The following CACNA2D2 variants were observed in gnomAD, a reference collection of about 807,000 sequenced individuals.
CACNA2D2 encodes the protein calcium voltage-gated channel auxiliary subunit alpha2delta 2, also known as voltage-dependent calcium channel subunit alpha-2/delta-2.
A neutral mutation model predicts 166.4 loss-of-function variants in CACNA2D2; 48 were observed. That is an observed-to-expected ratio of 0.29 (90% CI 0.23 to 0.37). CACNA2D2 has a LOEUF of 0.37. CACNA2D2 is among the 10% of genes least tolerant of loss of function. CACNA2D2 has a pLI of 1.00. For missense variants in CACNA2D2, 1,122 were observed against 1,433.0 expected, an observed-to-expected ratio of 0.78 and a Z score of 3.50; for synonymous variants, 561 against 573.7, an observed-to-expected ratio of 0.98 and a Z score of 0.32.
At chr3:50,482,675 G>A (rs1262031219) in intron 1 of CACNA2D2, among the ~76,000 whole-genome samples, 1 of 152,196 alleles carries the variant, frequency 6.6e-6, no homozygotes, top group African/African-American at 2.4e-5. Context: ...ACATGGGATG[G>A]TTGTGCCTCC....
At position 50,487,031 on chromosome 3, in the gene CACNA2D2, C is replaced by T. The variant is rs149263500; in HGVS notation, c.207-10832G>A. On this transcript the variant is annotated intron_variant, in intron 1 of 37. Coordinates refer to ENST00000424201, the MANE Select transcript of CACNA2D2 (RefSeq NM_006030.4). ...GATTTCCACTGCAGCGATGGTACCT[C>T]GGCCAGGCGCAGGCCAGTTCATGCC... 1.8e-4 allele frequency among the ~76,000 whole-genome samples: 28 copies of T among 152,340 alleles called. No homozygotes were observed. The East Asian group carries it at 4.4e-3, about 24-fold the overall frequency.
intron 2 of CACNA2D2, among the ~76,000 whole-genome samples, chr3:50,460,538 G>C (rs1709543975): frequency 6.6e-6 from 1 of 152,096 alleles, no homozygotes. Context: ...TGGCAAGAAT[G>C]AAACAAGAAC....
At chr3:50,445,604 A>G (rs1377596133) in intron 2 of CACNA2D2, among the ~76,000 whole-genome samples, 1 of 152,166 alleles carries the variant, frequency 6.6e-6, no homozygotes, top group East Asian at 1.9e-4. Flanking sequence ...AAATAAACAA[A>G]CAGGACCAAG....
chr3:50,494,969 C>A (rs1227961211), intron 1 of CACNA2D2, among the ~76,000 whole-genome samples: 4 of 152,216 alleles, frequency 2.6e-5, no homozygotes, highest in African/African-American at 9.6e-5. Flanking sequence ...AGCCACTGCA[C>A]CCGGCTGGAT....
At chr3:50,372,050 T>C (rs1352405142) in intron 22 of CACNA2D2, among the ~76,000 whole-genome samples, 1 of 151,932 alleles carries the variant, frequency 6.6e-6, no homozygotes, top group Non-Finnish European at 1.5e-5. Context: ...GGACATCCTC[T>C]TGTGGCTCTC....
rs587712316 is a variant in CACNA2D2, at chr3:50,385,950, TCTTC to T, written c.510+1614_511-1614del. 3.2e-4 allele frequency among the ~76,000 whole-genome samples: 49 copies of T among 152,338 alleles called. No homozygotes were observed. In the South Asian group the frequency reaches 0.01, roughly 32 times the overall value. ...CTGATAAGCTATCAGCTGGCGAACT[TCTTC>T]CTTCCTTTTCTTTCCCCCACCCCCA... is the stretch of plus-strand genomic sequence containing the variant. On this transcript the variant is annotated intron_variant, in intron 5 of 37. Transcript: ENST00000424201.
chr3:50,410,697 G>A (rs1706968139), intron 3 of CACNA2D2, among the ~76,000 whole-genome samples: 1 of 152,240 alleles, frequency 6.6e-6, no homozygotes, highest in Non-Finnish European at 1.5e-5. Flanking sequence ...CCAAGGGAAA[G>A]GGGGTAAGTG....
intron 2 of CACNA2D2, among the ~76,000 whole-genome samples, chr3:50,467,580 C>T (rs377018432): frequency 5.3e-5 from 8 of 152,204 alleles, no homozygotes; most frequent in Non-Finnish European, 1.0e-4. Context: ...TGCCCGCCTG[C>T]GTGTGTGCAT....
intron 3 of CACNA2D2, among the ~76,000 whole-genome samples, chr3:50,395,827 C>A (rs1260433627): frequency 1.3e-5 from 2 of 152,192 alleles, no homozygotes; most frequent in African/African-American, 2.4e-5. Flanking sequence ...GGGCTGGCTA[C>A]CCCTCCTCAG....
At chr3:50,390,552 G>A (rs1218400932) in intron 4 of CACNA2D2, among the ~76,000 whole-genome samples, 1 of 152,096 alleles carries the variant, frequency 6.6e-6, no homozygotes, top group Non-Finnish European at 1.5e-5. Context: ...TTAATGTCTG[G>A]GGACCACTCC....
chr3:50,419,700 A>G (rs1707457024), intron 3 of CACNA2D2: 10 of 152,192 alleles, frequency 6.6e-5, no homozygotes, highest in Admixed American at 6.5e-4. Context: ...GGAAGCACAC[A>G]CAGAGCCCTC....
At chr3:50,483,745 C>A (rs1698158975) in intron 1 of CACNA2D2, among the ~76,000 whole-genome samples, 1 of 152,210 alleles carries the variant, frequency 6.6e-6, no homozygotes, top group Non-Finnish European at 1.5e-5. Context: ...GGAGTGGTAG[C>A]CTGAGGCCTC....
Position 50,378,002 on chromosome 3 carries a change from C to A in CACNA2D2, c.1479+6G>T, listed in dbSNP as rs1705077966. The A allele has an allele frequency of 6.2e-7, 1 of 1,613,338 alleles. No homozygotes were observed. The highest frequency in any genetic ancestry group is 8.5e-7 in the Non-Finnish European group (1 of 1,179,716). ...GCCCCACCCCTTCCTTGTCCAGAGGCCTTACCAGTGCATCCTCATACACGT... is the reference window on the plus strand; with the variant it reads ...GCCCCACCCCTTCCTTGTCCAGAGGACTTACCAGTGCATCCTCATACACGT... On this transcript the variant is annotated splice_donor_region_variant and intron_variant, in intron 15 of 37. Transcript: ENST00000424201.
Position 50,363,600 on chromosome 3 carries a change from C to T in CACNA2D2, c.*1066G>A, listed in dbSNP as rs1035197148. On this transcript the variant is annotated 3_prime_UTR_variant, in exon 38 of 38. Transcript: ENST00000424201. Reference sequence around the variant, plus strand: ...CCTGAGTGTGTAAGGGCCAGATTGGCGGAAGGATGGCCCAGCCAGGAGAGA... The same window carrying T: ...CCTGAGTGTGTAAGGGCCAGATTGGTGGAAGGATGGCCCAGCCAGGAGAGA... 9 of 257,720 alleles carry T rather than the reference C, an allele frequency of 3.5e-5. No homozygotes were observed. Among genetic ancestry groups the T allele is most frequent in the Admixed American group, 2.2e-4 (4 of 18,016 alleles). 16.0% of individuals were successfully genotyped at this position (257,720 alleles called of 1,614,324 possible).
chr3:50,394,010 G>A, intron 4 of CACNA2D2, 99 bp downstream of exon 4: 1 of 1,038,608 alleles, frequency 9.6e-7, no homozygotes, highest in South Asian at 1.3e-5. Context: ...AGACCCCTCT[G>A]TGTCCCTCAT....
At chr3:50,464,152 C>T (rs967431917) in intron 2 of CACNA2D2, among the ~76,000 whole-genome samples, 3 of 152,240 alleles carry the variant, frequency 2.0e-5, no homozygotes, top group Admixed American at 6.5e-5. Flanking sequence ...CAAGAACCTG[C>T]TGGCACCCCA....
intron 1 of CACNA2D2, among the ~76,000 whole-genome samples, chr3:50,491,860 G>A (rs1698536007): frequency 6.6e-6 from 1 of 152,198 alleles, no homozygotes; most frequent in Admixed American, 6.5e-5. Context: ...GCAGGACAAA[G>A]CCCAGGGCTT....
Position 50,365,495 on chromosome 3 carries a change from A to G in CACNA2D2, c.2972-13T>C. The G allele has an allele frequency of 1.2e-6, 2 of 1,612,556 alleles. No individual in the cohort carries two copies. Among genetic ancestry groups the G allele is most frequent in the Non-Finnish European group, 1.7e-6 (2 of 1,179,614 alleles). On this transcript the variant is annotated splice_polypyrimidine_tract_variant and intron_variant, in intron 34 of 37. Transcript: ENST00000424201. The surrounding 1 kb of genome is among the most constrained non-coding windows in gnomAD (Gnocchi z 4.5). The stretch of plus-strand genomic sequence containing the variant: ...GCCTCCGCGGGGTCTGCGAGGGCCC[A>G]GAGCGCCTCAGCTCCGCCCACAGAC...
At position 50,367,325 on chromosome 3, in the gene CACNA2D2, G is replaced by C. The variant is rs1183054742; in HGVS notation, c.2401+69C>G. Reference sequence around the variant, plus strand: ...GAGGGGCCTCAGACAGCAGAGCCCAGTTCTGGCTGAGCAGACAGGGAAGCT... The same window carrying C: ...GAGGGGCCTCAGACAGCAGAGCCCACTTCTGGCTGAGCAGACAGGGAAGCT... On this transcript the variant is annotated intron_variant, in intron 27 of 37. Coordinates refer to ENST00000424201, the MANE Select transcript of CACNA2D2 (RefSeq NM_006030.4). The surrounding 1 kb of genome is among the most constrained non-coding windows in gnomAD (Gnocchi z 6.5). 9 of 1,433,396 alleles carry C rather than the reference G, an allele frequency of 6.3e-6. No individual in the cohort carries two copies. In the Admixed American group the frequency reaches 1.4e-4, roughly 22 times the overall value. 88.8% of individuals were successfully genotyped at this position (1,433,396 alleles called of 1,614,324 possible).
Sources: gnomAD v4.1 joint callset for allele counts (sites outside exome capture counted in the v4.1 genomes callset) on GRCh38, gnomAD v4.1.1 for gene constraint, Gnocchi (gnomAD v3.1) non-coding constraint, MANE v1.5 for transcripts, NCBI Gene and HGNC (gene_info 2026-07-23, HGNC 2026-07-21) for gene names.